Variants in INPP5D observed in about 807,000 individuals in gnomAD.
The protein encoded by INPP5D is phosphatidylinositol 3,4,5-trisphosphate 5-phosphatase 1.
A neutral mutation model predicts 122.9 loss-of-function variants in INPP5D; 33 were observed. That is an observed-to-expected ratio of 0.27 (90% CI 0.20 to 0.36). INPP5D has a LOEUF of 0.36. INPP5D is among the 10% of genes least tolerant of loss of function. The pLI, the probability that INPP5D is intolerant of heterozygous loss-of-function variation, is 1.00. For missense variants in INPP5D, 1,053 were observed against 1,412.7 expected, an observed-to-expected ratio of 0.75 and a Z score of 4.08; for synonymous variants, 584 against 576.2, an observed-to-expected ratio of 1.01 and a Z score of -0.19.
chr2:233,075,768 G>A (rs1472614036), intron 1 of INPP5D, among the ~76,000 whole-genome samples: 2 of 152,126 alleles, frequency 1.3e-5, no homozygotes, highest in East Asian at 1.9e-4. Flanking sequence ...GGCTGATGGG[G>A]TGTGTGTGGG....
chr2:233,099,714 T>C (rs145256765), intron 2 of INPP5D, among the ~76,000 whole-genome samples: 5 of 152,368 alleles, frequency 3.3e-5, no homozygotes, highest in Non-Finnish European at 5.9e-5. Flanking sequence ...CATAATAATC[T>C]GGATTTTCAG....
At chr2:233,153,192 C>A (rs1050930293) in intron 9 of INPP5D, among the ~76,000 whole-genome samples, 1 of 152,198 alleles carries the variant, frequency 6.6e-6, no homozygotes, top group Non-Finnish European at 1.5e-5. Flanking sequence ...GATATCACAT[C>A]CTGGGGGCAA....
At chr2:233,136,766 G>A (rs1210737394) in intron 5 of INPP5D, among the ~76,000 whole-genome samples, 3 of 152,170 alleles carry the variant, frequency 2.0e-5, no homozygotes, top group Admixed American at 2.0e-4. Context: ...AGGAGACGAG[G>A]AGGACAAGAT....
intron 10 of INPP5D, among the ~76,000 whole-genome samples, chr2:233,158,958 A>G (rs1694128733): frequency 6.6e-6 from 1 of 151,966 alleles, no homozygotes; most frequent in South Asian, 2.1e-4. Context: ...AATTTTTTAT[A>G]TTTTGTAGAG....
At chr2:233,130,188 C>T (rs960437281) in intron 4 of INPP5D, among the ~76,000 whole-genome samples, 1 of 152,216 alleles carries the variant, frequency 6.6e-6, no homozygotes, top group African/African-American at 2.4e-5. Context: ...AGCCACCATG[C>T]CCAGCCTTGG....
intron 17 of INPP5D, among the ~76,000 whole-genome samples, chr2:233,173,631 T>G (rs2106305448): frequency 6.6e-6 from 1 of 152,294 alleles, no homozygotes; most frequent in Non-Finnish European, 1.5e-5. Flanking sequence ...TTGACTTTTT[T>G]GTTGAAAATT....
At chr2:233,161,478 C>A (rs1011095988) in intron 10 of INPP5D, among the ~76,000 whole-genome samples, 4 of 152,134 alleles carry the variant, frequency 2.6e-5, no homozygotes, top group Admixed American at 2.6e-4. Context: ...TGCTGCAGAG[C>A]CGTGACAGGG....
chr2:233,097,586 A>G (rs1022748511), intron 2 of INPP5D, among the ~76,000 whole-genome samples: 8 of 152,172 alleles, frequency 5.3e-5, no homozygotes, highest in African/African-American at 7.2e-5. Context: ...TGCAAACAGA[A>G]TCTTCCTTTT....
At chr2:233,061,274 C>T (rs949514481) in intron 1 of INPP5D, among the ~76,000 whole-genome samples, 4 of 141,664 alleles carry the variant, frequency 2.8e-5, no homozygotes, top group Non-Finnish European at 4.6e-5. Flanking sequence ...TCCCACTGCC[C>T]GGTTGGGGAT....
At chr2:233,108,971 C>A (rs1692536188) in intron 2 of INPP5D, among the ~76,000 whole-genome samples, 2 of 152,246 alleles carry the variant, frequency 1.3e-5, no homozygotes. Context: ...CAGAGACCCA[C>A]AAAAGAGTGC....
At chr2:233,072,184 T>C (rs1159737878) in intron 1 of INPP5D, among the ~76,000 whole-genome samples, 1 of 152,240 alleles carries the variant, frequency 6.6e-6, no homozygotes, top group Admixed American at 6.5e-5. Context: ...CTGTTTGTCA[T>C]GTCCAAGAAG....
intron 2 of INPP5D, among the ~76,000 whole-genome samples, chr2:233,111,109 C>T (rs564167852): frequency 4.4e-4 from 67 of 152,232 alleles, no homozygotes; most frequent in African/African-American, 1.4e-3. Context: ...TATCATTTTT[C>T]TGAATTATTG....
intron 1 of INPP5D, among the ~76,000 whole-genome samples, chr2:233,072,698 C>G (rs1371744064): frequency 6.6e-6 from 1 of 152,172 alleles, no homozygotes; most frequent in Admixed American, 6.5e-5. Context: ...TTAAGTTATA[C>G]GTAATTTTCA....
At chr2:233,091,024 G>A (rs915596461) in intron 2 of INPP5D, among the ~76,000 whole-genome samples, 1 of 151,912 alleles carries the variant, frequency 6.6e-6, no homozygotes, top group Non-Finnish European at 1.5e-5. Flanking sequence ...GGCTGCTTGG[G>A]AAACCAGACA....
chr2:233,102,927 C>G (rs1294800865), intron 2 of INPP5D, among the ~76,000 whole-genome samples: 1 of 152,038 alleles, frequency 6.6e-6, no homozygotes, highest in East Asian at 1.9e-4. Flanking sequence ...GTTTTAATCC[C>G]TTCTGTCCCC....
chr2:233,098,118 C>T (rs950027791), intron 2 of INPP5D, among the ~76,000 whole-genome samples: 11 of 152,096 alleles, frequency 7.2e-5, no homozygotes, highest in African/African-American at 9.7e-5. Context: ...ATTTCGAACT[C>T]GTGACCTTAA....
intron 2 of INPP5D, among the ~76,000 whole-genome samples, chr2:233,116,614 T>C (rs535903082): frequency 4.7e-4 from 71 of 150,810 alleles, no homozygotes; most frequent in Non-Finnish European, 8.0e-4. Flanking sequence ...TTTTTTTCTT[T>C]GAGACAGAGT....
At chr2:233,141,276 A>C (rs1693626044) in intron 6 of INPP5D, 1 of 152,214 alleles carries the variant, frequency 6.6e-6, no homozygotes, top group East Asian at 1.9e-4. Context: ...ATTGAAAATC[A>C]CATAAACAGG....
intron 18 of INPP5D, among the ~76,000 whole-genome samples, chr2:233,180,440 C>T (rs957769254): frequency 6.6e-6 from 1 of 152,168 alleles, no homozygotes; most frequent in Non-Finnish European, 1.5e-5. Flanking sequence ...CAAACCTGTA[C>T]CCCTGTGCTC....
Sources: allele counts gnomAD v4.1 joint callset (sites outside exome capture counted in the v4.1 genomes callset), GRCh38; gene constraint gnomAD v4.1.1; transcripts MANE v1.5; gene names NCBI Gene and HGNC (gene_info 2026-07-23, HGNC 2026-07-21).